The following TMTC2 variants were observed in gnomAD, a reference collection of about 807,000 sequenced individuals.
TMTC2 encodes the protein protein O-mannosyl-transferase TMTC2.
A neutral mutation model predicts 82.4 loss-of-function variants in TMTC2; 43 were observed. That is an observed-to-expected ratio of 0.52 (90% CI 0.41 to 0.67). The LOEUF is 0.67. TMTC2 is among the 30% of genes least tolerant of loss of function. TMTC2 has a pLI of 0.00. For missense variants in TMTC2, 919 were observed against 1,012.4 expected, an observed-to-expected ratio of 0.91 and a Z score of 1.25; for synonymous variants, 408 against 381.9, an observed-to-expected ratio of 1.07 and a Z score of -0.80.
chr12:82,779,735 C>T (rs1877796842), intron 1 of TMTC2, among the ~76,000 whole-genome samples: 1 of 151,976 alleles, frequency 6.6e-6, no homozygotes, highest in South Asian at 2.1e-4. Flanking sequence ...CCTGTCTCTA[C>T]TAAAAACTAC....
At chr12:82,700,231 T>A (rs371870743) in intron 1 of TMTC2, among the ~76,000 whole-genome samples, 19 of 152,298 alleles carry the variant, frequency 1.2e-4, no homozygotes, top group African/African-American at 3.8e-4. Flanking sequence ...TAGCAATACC[T>A]ACTTAATAGA....
At chr12:82,959,453 A>G (rs574020998) in intron 4 of TMTC2, among the ~76,000 whole-genome samples, 2 of 152,284 alleles carry the variant, frequency 1.3e-5, no homozygotes, top group East Asian at 3.9e-4. Flanking sequence ...CCAAAACAGC[A>G]TGGTACTGAT....
chr12:83,123,642 C>T (rs1278219530), intron 11 of TMTC2, among the ~76,000 whole-genome samples: 3 of 152,108 alleles, frequency 2.0e-5, no homozygotes, highest in South Asian at 4.1e-4. Flanking sequence ...GGGTTAACAT[C>T]ATGATTATCA....
intron 3 of TMTC2, among the ~76,000 whole-genome samples, chr12:82,918,391 G>A (rs1215929317): frequency 6.6e-6 from 1 of 152,176 alleles, no homozygotes; most frequent in Non-Finnish European, 1.5e-5. Context: ...AGCGTTGGTG[G>A]AAGCAAAATT....
chr12:82,871,717 G>A (rs1872189444), intron 2 of TMTC2, among the ~76,000 whole-genome samples: 1 of 147,984 alleles, frequency 6.8e-6, no homozygotes, highest in South Asian at 2.1e-4. Flanking sequence ...GTGTGTGTGT[G>A]TGTTTTAAGA....
At chr12:82,878,124 G>T (rs1404340736) in intron 2 of TMTC2, among the ~76,000 whole-genome samples, 3 of 152,174 alleles carry the variant, frequency 2.0e-5, no homozygotes, top group Admixed American at 6.5e-5. Context: ...AATCATTCAT[G>T]TACCCATTCA....
intron 7 of TMTC2, among the ~76,000 whole-genome samples, chr12:82,981,557 T>C (rs190586439): frequency 6.0e-4 from 91 of 152,068 alleles, no homozygotes; most frequent in Admixed American, 2.0e-3. Context: ...GCAAATCTTC[T>C]CATTCTTATG....
At chr12:83,114,869 ATATATG>A (rs1477309485) in intron 11 of TMTC2, among the ~76,000 whole-genome samples, 1 of 151,608 alleles carries the variant, frequency 6.6e-6, no homozygotes, top group Non-Finnish European at 1.5e-5. Flanking sequence ...ATATGTGTGT[ATATATG>A]TATATGTGTG....
At chr12:82,875,391 T>A (rs2137143888) in intron 2 of TMTC2, among the ~76,000 whole-genome samples, 1 of 152,248 alleles carries the variant, frequency 6.6e-6, no homozygotes, top group African/African-American at 2.4e-5. Context: ...TATATATGTT[T>A]TACAGCTGAG....
chr12:82,841,847 A>C (rs999098270), intron 1 of TMTC2, among the ~76,000 whole-genome samples: 8 of 152,234 alleles, frequency 5.3e-5, no homozygotes, highest in Non-Finnish European at 1.0e-4. Context: ...TCACTGCAAG[A>C]CAAGTAACAC....
intron 11 of TMTC2, among the ~76,000 whole-genome samples, chr12:83,068,239 T>C (rs1288871045): frequency 5.9e-5 from 9 of 152,088 alleles, no homozygotes; most frequent in Admixed American, 5.9e-4. Context: ...AAGACTGAGC[T>C]CTGGGGGAAA....
intron 11 of TMTC2, among the ~76,000 whole-genome samples, chr12:83,073,045 T>G (rs1362810745): frequency 7.6e-6 from 1 of 131,604 alleles, no homozygotes; most frequent in African/African-American, 2.6e-5. Context: ...GCCTGTGTAC[T>G]TTGGTTTTTT....
At chr12:82,825,284 G>A (rs1306671485) in intron 1 of TMTC2, among the ~76,000 whole-genome samples, 1 of 152,118 alleles carries the variant, frequency 6.6e-6, no homozygotes, top group African/African-American at 2.4e-5. Context: ...GAAATACAAA[G>A]TATTTATAAC....
At chr12:83,058,038 T>C (rs1882608876) in intron 10 of TMTC2, among the ~76,000 whole-genome samples, 1 of 151,844 alleles carries the variant, frequency 6.6e-6, no homozygotes, top group Non-Finnish European at 1.5e-5. Context: ...TCTATTACAT[T>C]ATTGATTCCC....
At chr12:82,697,400 A>G (rs1045206994) in intron 1 of TMTC2, among the ~76,000 whole-genome samples, 1 of 151,900 alleles carries the variant, frequency 6.6e-6, no homozygotes, top group Non-Finnish European at 1.5e-5. Flanking sequence ...ATTCCCACGT[A>G]CAGCAGATGC....
intron 1 of TMTC2, among the ~76,000 whole-genome samples, chr12:82,776,290 G>A (rs767485962): frequency 6.6e-6 from 1 of 152,086 alleles, no homozygotes; most frequent in Non-Finnish European, 1.5e-5. Flanking sequence ...CCTTCCTGAT[G>A]GTTCCTAGGT....
intron 1 of TMTC2, among the ~76,000 whole-genome samples, chr12:82,853,627 T>C (rs551616253): frequency 6.6e-6 from 1 of 152,340 alleles, no homozygotes; most frequent in East Asian, 1.9e-4. Flanking sequence ...ATTGAACTAA[T>C]AGCATGTAGA....
At chr12:83,110,429 A>G (rs1884560956) in intron 11 of TMTC2, among the ~76,000 whole-genome samples, 1 of 151,590 alleles carries the variant, frequency 6.6e-6, no homozygotes, top group Admixed American at 6.6e-5. Context: ...CCCTCTAGAT[A>G]CCCCTTCTCT....
chr12:83,038,090 G>A (rs1314771424), intron 9 of TMTC2, among the ~76,000 whole-genome samples: 2 of 135,884 alleles, frequency 1.5e-5, no homozygotes, highest in African/African-American at 5.6e-5. Flanking sequence ...TGAACAATGA[G>A]AACACATGGA....
Sources: gnomAD v4.1 joint callset for allele counts (sites outside exome capture counted in the v4.1 genomes callset) on GRCh38, gnomAD v4.1.1 for gene constraint, MANE v1.5 for transcripts, NCBI Gene and HGNC (gene_info 2026-07-23, HGNC 2026-07-21) for gene names.